The following KDM4C variants were observed in gnomAD, a reference collection of about 807,000 sequenced individuals.
KDM4C encodes lysine demethylase 4C, also known as lysine-specific demethylase 4C.
Under a neutral mutation model 129.3 loss-of-function variants are expected in KDM4C, and 81 were observed. That is an observed-to-expected ratio of 0.63 (90% CI 0.52 to 0.75). KDM4C has a LOEUF of 0.75. KDM4C is among the 30% of genes least tolerant of loss of function. The pLI, the probability that KDM4C is intolerant of heterozygous loss-of-function variation, is 0.00. For missense variants in KDM4C, 1,457 were observed against 1,304.0 expected (o/e 1.12, Z -1.81); for synonymous variants, 573 against 456.1 (o/e 1.26, Z -3.26).
intron 21 of KDM4C, chr9:7,170,715 C>G (rs1468527118): frequency 2.0e-6 from 2 of 977,936 alleles, no homozygotes; most frequent in African/African-American, 3.5e-5. Context: ...AATTTTTTTT[C>G]TGAATAATTC....
At chr9:7,118,759 C>G (rs957253559) in intron 18 of KDM4C, among the ~76,000 whole-genome samples, 1 of 152,104 alleles carries the variant, frequency 6.6e-6, no homozygotes, top group Non-Finnish European at 1.5e-5. Flanking sequence ...TACATTATTG[C>G]ATTTGGATTT....
chr9:6,940,375 C>G (rs17511250), intron 8 of KDM4C, among the ~76,000 whole-genome samples: 38,892 of 152,096 alleles, frequency 0.26, 5,420 homozygotes, highest in South Asian at 0.39. Context: ...GTTATTAGAG[C>G]TTCAAAATGT....
chr9:6,731,396 A>T (rs1588037626), intron 1 of KDM4C, among the ~76,000 whole-genome samples: 1 of 135,460 alleles, frequency 7.4e-6, no homozygotes, highest in East Asian at 2.1e-4. Flanking sequence ...GCACGATCTC[A>T]GCTCACCGCA....
At chr9:6,850,793 T>C (rs1388094587) in intron 5 of KDM4C, among the ~76,000 whole-genome samples, 1 of 147,798 alleles carries the variant, frequency 6.8e-6, no homozygotes, top group Non-Finnish European at 1.5e-5. Flanking sequence ...CTCACTCTGT[T>C]GCCCAGGCTG....
At chr9:6,974,740 C>T (rs746404135) in intron 8 of KDM4C, 1 of 152,078 alleles carries the variant, frequency 6.6e-6, no homozygotes, top group Admixed American at 6.6e-5. Context: ...GTGTGCAGAG[C>T]CCTATTTTTA....
intron 19 of KDM4C, among the ~76,000 whole-genome samples, chr9:7,149,057 A>G (rs909983137): frequency 4.6e-5 from 7 of 152,206 alleles, no homozygotes; most frequent in African/African-American, 1.2e-4. Flanking sequence ...GCCGTCATCA[A>G]CTGCCACTTA....
At chr9:7,017,207 G>A (rs1823857986) in intron 15 of KDM4C, among the ~76,000 whole-genome samples, 1 of 152,150 alleles carries the variant, frequency 6.6e-6, no homozygotes, top group Non-Finnish European at 1.5e-5. Context: ...GAAGTGCTGG[G>A]GTTATAGGTA....
chr9:6,881,268 C>G (rs555133978), intron 6 of KDM4C, among the ~76,000 whole-genome samples: 1 of 152,180 alleles, frequency 6.6e-6, no homozygotes, highest in South Asian at 2.1e-4. Flanking sequence ...TTTTAAGAAG[C>G]ATTATTATAA....
intron 8 of KDM4C, among the ~76,000 whole-genome samples, chr9:6,972,081 T>C (rs1325419143): frequency 6.6e-6 from 1 of 152,072 alleles, no homozygotes; most frequent in Non-Finnish European, 1.5e-5. Flanking sequence ...ACGTGGCAAG[T>C]GATTTGAAGG....
chr9:7,124,695 G>T (rs914231804), intron 18 of KDM4C, among the ~76,000 whole-genome samples: 4 of 152,112 alleles, frequency 2.6e-5, no homozygotes, highest in African/African-American at 9.7e-5. Flanking sequence ...ATTAAATCGG[G>T]CTTCTTACTG....
intron 4 of KDM4C, among the ~76,000 whole-genome samples, chr9:6,829,067 A>T (rs766065591): frequency 6.6e-6 from 1 of 152,246 alleles, no homozygotes; most frequent in African/African-American, 2.4e-5. Context: ...ACGTGTCAGC[A>T]ATGGTGGGTG....
intron 1 of KDM4C, among the ~76,000 whole-genome samples, chr9:6,770,710 C>CTATTT (rs1821611827): frequency 1.3e-5 from 1 of 79,260 alleles, no homozygotes. Flanking sequence ...TTTTCAACGT[C>CTATTT]TTTTTTTTTT....
intron 12 of KDM4C, among the ~76,000 whole-genome samples, chr9:6,996,818 C>G (rs1819841009): frequency 6.6e-6 from 1 of 152,106 alleles, no homozygotes; most frequent in Non-Finnish European, 1.5e-5. Context: ...CTTTTTTATG[C>G]TGATAATTTT....
chr9:7,151,337 T>C (rs980196279), intron 19 of KDM4C, among the ~76,000 whole-genome samples: 5 of 152,068 alleles, frequency 3.3e-5, no homozygotes, highest in African/African-American at 9.7e-5. Context: ...ATGGGCTTCA[T>C]TTCAGCTTAA....
intron 8 of KDM4C, among the ~76,000 whole-genome samples, chr9:6,895,880 A>G (rs1816336671): frequency 1.3e-5 from 2 of 152,376 alleles, no homozygotes; most frequent in South Asian, 2.1e-4. Flanking sequence ...TTCTTAATTT[A>G]TACCATCAAT....
At chr9:6,980,808 C>A in intron 8 of KDM4C, 117 bp from the exon 9 acceptor site, 1 of 797,810 alleles carries the variant, frequency 1.3e-6, no homozygotes, top group Non-Finnish European at 2.0e-6. Context: ...TAATGTAATG[C>A]ATTATCCTCC....
intron 18 of KDM4C, chr9:7,105,258 G>A (rs1318652285): frequency 1.3e-5 from 4 of 318,008 alleles, no homozygotes; most frequent in Admixed American, 3.9e-5. Flanking sequence ...GAACAAGGTC[G>A]TGACCTCTGA....
intron 8 of KDM4C, among the ~76,000 whole-genome samples, chr9:6,914,624 T>G (rs1478194993): frequency 2.0e-5 from 3 of 152,244 alleles, no homozygotes; most frequent in Non-Finnish European, 4.4e-5. Flanking sequence ...GTGATGAAAC[T>G]TAAACCCCAA....
rs762020498 is a variant in KDM4C, at chr9:7,011,792, C to G, written c.1881C>G (p.Asn627Lys). 1 of 1,614,150 alleles carries G rather than the reference C, an allele frequency of 6.2e-7. No individual in the cohort carries two copies. The highest frequency in any genetic ancestry group is 8.5e-7 in the Non-Finnish European group (1 of 1,179,994). ...ACCTTTGGCAGACGAAGTCCCCTAA[C>G]TTCGCAGCTGAGCAAGAGTATAATG... ...LIHLWQTKSP[N>K]FAAEQEYNAT... Residue 627 changes from asparagine to lysine, a missense_variant, in exon 13 of 22, where the codon AAC (asparagine) becomes AAG (lysine). Asn to Lys is a moderately conservative substitution (Grantham distance 94). Coordinates refer to ENST00000381309, the MANE Select transcript of KDM4C (RefSeq NM_015061.6).
Sources: gnomAD v4.1 joint callset for allele counts (sites outside exome capture counted in the v4.1 genomes callset) on GRCh38, gnomAD v4.1.1 for gene constraint, MANE v1.5 for transcripts, NCBI Gene and HGNC (gene_info 2026-07-23, HGNC 2026-07-21) for gene names.